The following KLHL12 variants were observed in gnomAD, a reference collection of about 807,000 sequenced individuals.
KLHL12 encodes the protein kelch like family member 12.
A neutral mutation model predicts 60.8 loss-of-function variants in KLHL12; 17 were observed. The ratio of observed to expected loss-of-function variants is 0.28; its 90% CI spans 0.19 to 0.42. The LOEUF (loss-of-function observed/expected upper bound fraction) is 0.42. KLHL12 is among the 10% of genes least tolerant of loss of function. KLHL12 has a pLI of 1.00. For synonymous variants in KLHL12, 220 were observed against 250.9 expected, an observed-to-expected ratio of 0.88 and a Z score of 1.16; for missense variants, 468 against 722.3, an observed-to-expected ratio of 0.65 and a Z score of 4.04.
At chr1:202,896,831 C>T (rs191227918) in intron 7 of KLHL12, 23 bp downstream of exon 7, 66 of 1,533,634 alleles carry the variant, frequency 4.3e-5, no homozygotes, top group Middle Eastern at 3.4e-4. Flanking sequence ...TCCCTCCCAA[C>T]GAATGGTTTC....
chr1:202,919,273 C>T (rs75823601), intron 3 of KLHL12, among the ~76,000 whole-genome samples: 1,703 of 152,144 alleles, frequency 0.011, 26 homozygotes, highest in African/African-American at 0.038. Context: ...AAACAAAAAA[C>T]CTGGGAATTG....
chr1:202,927,928 C>G (rs539423049), upstream of KLHL12, among the ~76,000 whole-genome samples: 3 of 138,916 alleles, frequency 2.2e-5, no homozygotes, highest in South Asian at 4.6e-4. Flanking sequence ...GTTGCTGAGC[C>G]GAGATCGCGC....
rs1164165343 is a variant in KLHL12, at chr1:202,894,190, G to A, written c.1387C>T (p.Arg463Cys). 5.8e-6 allele frequency: 9 copies of A among 1,546,010 alleles called. No individual in the cohort carries two copies. Among genetic ancestry groups the A allele is most frequent in the South Asian group, 1.2e-5 (1 of 84,046 alleles). The change falls in exon 10 of 12, where the codon CGT (arginine) becomes TGT (cysteine). Residue 463 changes from arginine to cysteine, a missense_variant. Physicochemically the swap from Arg to Cys is radical, Grantham distance 180. This residue lies in a region of KLHL12 where 339 missense variants were observed against 525.0 expected (regional missense o/e 0.65). Transcript: ENST00000367261. ...WTNVTPMATK[R>C]SGAGVALLND... ...CCCTCAGATCTGGTCTTACCAGAAC[G>A]CTTGGTGGCCATTGGTGTAACATTA... is the stretch of plus-strand genomic sequence containing the variant.
At position 202,893,160 on chromosome 1, in the gene KLHL12, T is replaced by C. The variant is rs2102404011; in HGVS notation, c.1580+79A>G. ...TCTACCCCTACCCAAGTCTTGTCTCTGTCCAAAAATGAGGATCAGATCACA... is the reference window on the plus strand; with the variant it reads ...TCTACCCCTACCCAAGTCTTGTCTCCGTCCAAAAATGAGGATCAGATCACA... On this transcript the variant is annotated intron_variant, in intron 11 of 11. Transcript: ENST00000367261. This position sits in a 1 kb window ranked among gnomAD's most constrained non-coding sequence, Gnocchi z 4.1. 1 of 1,188,890 alleles carries C rather than the reference T, an allele frequency of 8.4e-7. No individual in the cohort carries two copies. Among genetic ancestry groups the C allele is most frequent in the South Asian group, 1.6e-5 (1 of 62,414 alleles). The allele number at this position is 1,188,890 out of a possible 1,614,324, so 73.6% of individuals were successfully genotyped here. A position where few individuals can be genotyped will look rare whatever the true frequency, so the allele number is the denominator to read the frequency against.
intron 6 of KLHL12, among the ~76,000 whole-genome samples, chr1:202,907,709 C>A (rs1330771367): frequency 2.0e-5 from 3 of 150,190 alleles, no homozygotes; most frequent in African/African-American, 7.4e-5. Flanking sequence ...AGTTCAAGAC[C>A]CAGCCTGGGC....
intron 6 of KLHL12, among the ~76,000 whole-genome samples, chr1:202,897,388 C>T (rs1659875093): frequency 6.6e-6 from 1 of 150,946 alleles, no homozygotes; most frequent in African/African-American, 2.4e-5. Flanking sequence ...GGCTGTGCCA[C>T]CACGCCCAGC....
intron 4 of KLHL12, among the ~76,000 whole-genome samples, chr1:202,913,352 A>C (rs1401147012): frequency 6.6e-6 from 1 of 152,194 alleles, no homozygotes; most frequent in East Asian, 1.9e-4. Context: ...TCTGGGAGAT[A>C]CCTTTCAGAG....
intron 2 of KLHL12, among the ~76,000 whole-genome samples, chr1:202,922,038 T>C (rs139409896): frequency 0.012 from 1,844 of 152,318 alleles, 16 homozygotes; most frequent in Non-Finnish European, 0.019. Context: ...TTAATAATTA[T>C]GGTACTGAAA....
Position 202,927,211 on chromosome 1 carries a change from G to A in KLHL12, c.-168C>T. ...GCGCCGCCCAGACCCGGAGGCTCTG[G>A]AGGCTCTGGAGCCGTCCGGGTCTGG... On this transcript the variant is annotated 5_prime_UTR_variant, in exon 1 of 12. Coordinates refer to ENST00000367261, the MANE Select transcript of KLHL12 (RefSeq NM_021633.4). The A allele has an allele frequency of 2.0e-6, 2 of 985,248 alleles. No homozygotes were observed. Among genetic ancestry groups the A allele is most frequent in the Non-Finnish European group, 2.4e-6 (2 of 829,900 alleles). The allele number at this position is 985,248 out of a possible 1,614,324, so 61.0% of individuals were successfully genotyped here. A position where few individuals can be genotyped will look rare whatever the true frequency, so the allele number is the denominator to read the frequency against.
chr1:202,913,880 A>C lies in KLHL12; in HGVS notation c.568-2677T>G, dbSNP rs961394399. 3.3e-5 allele frequency among the ~76,000 whole-genome samples: 5 copies of C among 152,366 alleles called. No homozygotes were observed. The East Asian group carries it at 9.6e-4, about 29-fold the overall frequency. The stretch of plus-strand genomic sequence containing the variant: ...AAACTAAATTAAAAATCAGCTTCTC[A>C]GTTGCATTAGCCACATTTCAAGTGC... On this transcript the variant is annotated intron_variant, in intron 4 of 11. Coordinates refer to ENST00000367261, the MANE Select transcript of KLHL12 (RefSeq NM_021633.4).
chr1:202,912,427 T>C, intron 4 of KLHL12: 3 of 825,658 alleles, frequency 3.6e-6, no homozygotes, highest in Non-Finnish European at 6.3e-6. Context: ...TTTGGTTTGG[T>C]CGTGGAGGTG....
At chr1:202,920,037 G>C in intron 2 of KLHL12, 129 bp from the exon 3 acceptor site, 1 of 843,450 alleles carries the variant, frequency 1.2e-6, no homozygotes. Context: ...TTACAGGCCA[G>C]GCGTGGTGGC....
At chr1:202,926,601 C>G (rs1302737481) in intron 1 of KLHL12, among the ~76,000 whole-genome samples, 1 of 152,186 alleles carries the variant, frequency 6.6e-6, no homozygotes, top group Non-Finnish European at 1.5e-5. Context: ...CCCGGGGGGT[C>G]TTTTATCGTT....
chr1:202,912,216 G>A, intron 4 of KLHL12: 1 of 1,088,670 alleles, frequency 9.2e-7, no homozygotes, highest in Admixed American at 1.7e-5. Flanking sequence ...GGAAGTGATT[G>A]AAATCATGAC....
rs749714699 is a variant in KLHL12, at chr1:202,925,078, T to G, written c.85A>C (p.Ser29Arg). Reference sequence around the variant, plus strand: ...AATGTCACATCACAGAGGGTATTGCTCTTCCTGAGGGAGTTCATTGAATTG... The same window carrying G: ...AATGTCACATCACAGAGGGTATTGCGCTTCCTGAGGGAGTTCATTGAATTG... ...ILNSMNSLRKSNTLCDVTLRV... is the reference protein window; with the variant it reads ...ILNSMNSLRKRNTLCDVTLRV... Residue 29 changes from serine (S) to arginine (R), a missense_variant, in exon 2 of 12, where the codon AGC becomes CGC. Ser to Arg is a moderately radical substitution (Grantham distance 110). Transcript: ENST00000367261. 6.2e-7 allele frequency: 1 copy of G among 1,614,182 alleles called. No homozygotes were observed. Among genetic ancestry groups the G allele is most frequent in the Non-Finnish European group, 8.5e-7 (1 of 1,180,038 alleles).
At chr1:202,910,270 C>T (rs143506051) in intron 5 of KLHL12, among the ~76,000 whole-genome samples, 202 of 152,216 alleles carry the variant, frequency 1.3e-3, no homozygotes, top group African/African-American at 4.4e-3. Context: ...ATTTCAGGCC[C>T]GAGTCTGGTT....
intron 4 of KLHL12, among the ~76,000 whole-genome samples, chr1:202,915,513 A>T (rs527784206): frequency 1.9e-4 from 29 of 152,290 alleles, no homozygotes; most frequent in Non-Finnish European, 4.0e-4. Flanking sequence ...GCTGTTTTTC[A>T]TTTAAGCTTC....
chr1:202,897,018 G>T, intron 6 of KLHL12, 58 bp from the exon 7 acceptor site: 2 of 1,266,900 alleles, frequency 1.6e-6, no homozygotes, highest in Non-Finnish European at 1.2e-6. Flanking sequence ...TGGGTAACTA[G>T]TCACAGGGAA....
At chr1:202,912,774 A>T in intron 4 of KLHL12, 1 of 1,196,998 alleles carries the variant, frequency 8.4e-7, no homozygotes, top group South Asian at 1.2e-5. Context: ...CGGAGAAGTG[A>T]CAGGGAAGCT....
Sources: allele counts gnomAD v4.1 joint callset (sites outside exome capture counted in the v4.1 genomes callset), GRCh38; gene constraint gnomAD v4.1.1; regional missense constraint gnomAD v4.1.1; non-coding constraint Gnocchi (gnomAD v3.1); transcripts MANE v1.5; gene names NCBI Gene and HGNC (gene_info 2026-07-23, HGNC 2026-07-21).